The following ADAM18 variants were observed in gnomAD, a reference collection of about 807,000 sequenced individuals.
The protein encoded by ADAM18 is ADAM metallopeptidase domain 18.
ADAM18 carries 117 observed loss-of-function variants against 94.4 expected under a neutral mutation model. The ratio of observed to expected loss-of-function variants is 1.24; its 90% CI spans 1.07 to 1.45. The LOEUF is 1.45. Ranked by LOEUF, ADAM18 falls within the 40% of genes most tolerant of loss-of-function variation. The pLI is 0.00. For synonymous variants in ADAM18, 327 were observed against 291.6 expected, an observed-to-expected ratio of 1.12 and a Z score of -1.24; for missense variants, 936 against 880.0, an observed-to-expected ratio of 1.06 and a Z score of -0.81.
At chr8:39,586,111 A>T (rs1442941897) in intron 2 of ADAM18, among the ~76,000 whole-genome samples, 2 of 152,198 alleles carry the variant, frequency 1.3e-5, no homozygotes, top group African/African-American at 4.8e-5. Context: ...GGAAAAGATT[A>T]ATCTATTAAT....
chr8:39,686,443 C>A (rs1426001773), intron 16 of ADAM18, among the ~76,000 whole-genome samples: 1 of 152,176 alleles, frequency 6.6e-6, no homozygotes, highest in Non-Finnish European at 1.5e-5. Context: ...AAAGGGTGAA[C>A]AAGCTCCATT....
chr8:39,637,047 A>G (rs1163167118), intron 7 of ADAM18, among the ~76,000 whole-genome samples: 5 of 130,790 alleles, frequency 3.8e-5, no homozygotes, highest in African/African-American at 1.3e-4. Flanking sequence ...ATATATATAT[A>G]TATATATATA....
chr8:39,611,769 AT>A (rs1430408949), intron 6 of ADAM18, among the ~76,000 whole-genome samples: 5 of 152,166 alleles, frequency 3.3e-5, no homozygotes, highest in Non-Finnish European at 5.9e-5. Flanking sequence ...TGGGAACCAA[AT>A]GTATAAAAAA....
intron 17 of ADAM18, among the ~76,000 whole-genome samples, chr8:39,704,058 G>A (rs1263665392): frequency 1.3e-5 from 2 of 151,990 alleles, no homozygotes; most frequent in East Asian, 1.9e-4. Flanking sequence ...TCTGAAATTG[G>A]GGCAGTAATA....
At chr8:39,676,207 G>A (rs2350465) in intron 14 of ADAM18, among the ~76,000 whole-genome samples, 62,687 of 152,058 alleles carry the variant, frequency 0.41, 14,622 homozygotes, top group Middle Eastern at 0.55. Context: ...GTTTAAGTCT[G>A]CAGAAGTTGT....
At chr8:39,723,616 T>A (rs1586017965) in intron 18 of ADAM18, 132 bp from the exon 19 acceptor site, 1 of 552,050 alleles carries the variant, frequency 1.8e-6, no homozygotes, top group East Asian at 3.5e-5. Flanking sequence ...GCATTTATGT[T>A]CTATTTTTCC....
At chr8:39,703,733 G>A (rs957526838) in intron 17 of ADAM18, among the ~76,000 whole-genome samples, 4 of 151,886 alleles carry the variant, frequency 2.6e-5, no homozygotes, top group Admixed American at 2.6e-4. Context: ...GAAGGAAATT[G>A]AGACACACAC....
intron 3 of ADAM18, 85 bp downstream of exon 3, chr8:39,606,447 A>G: frequency 1.2e-6 from 1 of 811,444 alleles, no homozygotes; most frequent in Admixed American, 3.0e-5. Flanking sequence ...TGCAGTATTT[A>G]AATTCAGGAA....
At chr8:39,645,248 A>G in intron 10 of ADAM18, 90 bp from the exon 11 acceptor site, 1 of 1,148,584 alleles carries the variant, frequency 8.7e-7, no homozygotes, top group East Asian at 2.6e-5. Context: ...GAAGTATTAA[A>G]ATAGAAAATA....
chr8:39,683,964 T>C (rs1241973798), intron 16 of ADAM18, among the ~76,000 whole-genome samples: 1 of 151,994 alleles, frequency 6.6e-6, no homozygotes, highest in African/African-American at 2.4e-5. Flanking sequence ...TAGCGAGAAC[T>C]TGTCTCTAAA....
At chr8:39,698,929 T>C (rs1486571583) in intron 17 of ADAM18, among the ~76,000 whole-genome samples, 2 of 152,064 alleles carry the variant, frequency 1.3e-5, no homozygotes, top group African/African-American at 4.8e-5. Flanking sequence ...ACAGCAGTGC[T>C]TTAGAGAAAT....
At chr8:39,728,170 T>C (rs1480015319) in intron 19 of ADAM18, among the ~76,000 whole-genome samples, 1 of 152,136 alleles carries the variant, frequency 6.6e-6, no homozygotes, top group Non-Finnish European at 1.5e-5. Flanking sequence ...ATTCACCCCA[T>C]GATACAAACA....
intron 13 of ADAM18, among the ~76,000 whole-genome samples, chr8:39,667,645 C>T (rs942979853): frequency 6.6e-6 from 1 of 152,112 alleles, no homozygotes; most frequent in Non-Finnish European, 1.5e-5. Context: ...AGTCTGGCTC[C>T]TGAGTTTCTC....
At chr8:39,666,289 CT>C in intron 13 of ADAM18, among the ~76,000 whole-genome samples, 1 of 152,274 alleles carries the variant, frequency 6.6e-6, no homozygotes, top group African/African-American at 2.4e-5. Flanking sequence ...ATCTATCCCC[CT>C]AGGCCTCCCA....
chr8:39,696,590 G>T (rs1186569221), intron 17 of ADAM18, among the ~76,000 whole-genome samples: 1 of 151,376 alleles, frequency 6.6e-6, no homozygotes, highest in African/African-American at 2.4e-5. Context: ...TTTACATATG[G>T]ATATACACTT....
chr8:39,701,109 C>G (rs1822060561), intron 17 of ADAM18, among the ~76,000 whole-genome samples: 1 of 54,514 alleles, frequency 1.8e-5, no homozygotes, highest in Admixed American at 3.5e-4. Flanking sequence ...CAGAGCAAGA[C>G]TCTGTCTCAA....
intron 13 of ADAM18, among the ~76,000 whole-genome samples, chr8:39,664,649 C>A (rs1376835446): frequency 6.6e-6 from 1 of 151,904 alleles, no homozygotes; most frequent in African/African-American, 2.4e-5. Context: ...GAATAGCAGA[C>A]AAAATATGCA....
intron 12 of ADAM18, among the ~76,000 whole-genome samples, chr8:39,658,759 A>G (rs1183704175): frequency 6.6e-6 from 1 of 152,160 alleles, no homozygotes; most frequent in African/African-American, 2.4e-5. Context: ...CACTGCTGAG[A>G]TTTCTTTCCC....
chr8:39,699,809 G>T (rs1487643542), intron 17 of ADAM18, among the ~76,000 whole-genome samples: 1 of 152,072 alleles, frequency 6.6e-6, no homozygotes. Context: ...GTGATAATGG[G>T]ACCCTATTGC....
Sources: gnomAD v4.1 joint callset for allele counts (sites outside exome capture counted in the v4.1 genomes callset) on GRCh38, gnomAD v4.1.1 for gene constraint, MANE v1.5 for transcripts, NCBI Gene and HGNC (gene_info 2026-07-23, HGNC 2026-07-21) for gene names.